CSNK2A2IP: variants seen among roughly 807,000 people sequenced by gnomAD.
CSNK2A2IP encodes the protein casein kinase II subunit alpha'-interacting protein.
At chr3:88,372,018 C>T in the CSNK2A2IP span, among the ~76,000 whole-genome samples, 2 of 151,462 alleles carry the variant, frequency 1.3e-5, no homozygotes, top group African/African-American at 4.8e-5. Context: ...GTTTGTTGCA[C>T]CAGTGAAAAC....
At chr3:88,405,195 A>G in the CSNK2A2IP span, among the ~76,000 whole-genome samples, 35 of 152,280 alleles carry the variant, frequency 2.3e-4, no homozygotes, top group Non-Finnish European at 3.5e-4. Context: ...ATCTCATTGC[A>G]GTGGTCTCTA....
At chr3:88,466,988 A>G in the CSNK2A2IP span, 1 of 1,228,128 alleles carries the variant, frequency 8.1e-7, no homozygotes, top group South Asian at 4.1e-5. Context: ...CAGCCTAATG[A>G]AGTCCCTGAA....
At chr3:88,353,577 G>T in the CSNK2A2IP span, among the ~76,000 whole-genome samples, 7 of 152,180 alleles carry the variant, frequency 4.6e-5, no homozygotes, top group African/African-American at 1.7e-4. Context: ...TAGGATGAGA[G>T]TATTAAACTA....
the CSNK2A2IP span, among the ~76,000 whole-genome samples, chr3:88,447,713 A>AT: frequency 6.6e-6 from 1 of 152,066 alleles, no homozygotes; most frequent in African/African-American, 2.4e-5. Context: ...TAACTGAGTC[A>AT]TTTTTGTTTT....
chr3:88,384,083 C>A, the CSNK2A2IP span, among the ~76,000 whole-genome samples: 7 of 152,060 alleles, frequency 4.6e-5, no homozygotes, highest in Non-Finnish European at 1.0e-4. Flanking sequence ...TGCACAGAAA[C>A]ATTTTCCAGA....
the CSNK2A2IP span, among the ~76,000 whole-genome samples, chr3:88,415,196 C>A: frequency 6.6e-6 from 1 of 151,916 alleles, no homozygotes; most frequent in Non-Finnish European, 1.5e-5. Flanking sequence ...TGACTTAAAA[C>A]CCCCAAACTC....
the CSNK2A2IP span, among the ~76,000 whole-genome samples, chr3:88,452,937 A>T: frequency 1.3e-5 from 2 of 152,140 alleles, no homozygotes. Context: ...ATGTTTGTGC[A>T]TGTATGACAG....
At chr3:88,375,909 G>T in the CSNK2A2IP span, among the ~76,000 whole-genome samples, 2 of 151,542 alleles carry the variant, frequency 1.3e-5, no homozygotes, top group African/African-American at 2.4e-5. Flanking sequence ...ACCCCATTTT[G>T]TGTCATCCCC....
chr3:88,347,458 C>T, the CSNK2A2IP span, among the ~76,000 whole-genome samples: 1 of 151,984 alleles, frequency 6.6e-6, no homozygotes, highest in East Asian at 1.9e-4. Context: ...CAAACATTAC[C>T]CTGATCAGTC....
At chr3:88,406,796 C>T in the CSNK2A2IP span, among the ~76,000 whole-genome samples, 1 of 152,064 alleles carries the variant, frequency 6.6e-6, no homozygotes, top group African/African-American at 2.4e-5. Flanking sequence ...AAAAAATGTA[C>T]GTAGTATTCA....
chr3:88,460,698 A>G, the CSNK2A2IP span, among the ~76,000 whole-genome samples: 2 of 152,206 alleles, frequency 1.3e-5, no homozygotes, highest in Admixed American at 1.3e-4. Flanking sequence ...AGGAAACAGA[A>G]TATTACCAGT....
chr3:88,450,058 A>G, the CSNK2A2IP span, among the ~76,000 whole-genome samples: 1 of 151,136 alleles, frequency 6.6e-6, no homozygotes, highest in Non-Finnish European at 1.5e-5. Flanking sequence ...TTGTAGAGAC[A>G]GGGTTTCATC....
At chr3:88,390,203 GATACACTTGA>G in the CSNK2A2IP span, among the ~76,000 whole-genome samples, 22 of 152,158 alleles carry the variant, frequency 1.4e-4, no homozygotes, top group African/African-American at 5.3e-4. Context: ...CAATAGACCT[GATACACTTGA>G]ATGGAATCAA....
At chr3:88,420,251 A>C in the CSNK2A2IP span, among the ~76,000 whole-genome samples, 5 of 152,162 alleles carry the variant, frequency 3.3e-5, no homozygotes, top group African/African-American at 1.2e-4. Context: ...GTTTCTAACT[A>C]GTTGTGGTGC....
At chr3:88,358,278 G>GCAAA in the CSNK2A2IP span, among the ~76,000 whole-genome samples, 66,317 of 151,626 alleles carry the variant, frequency 0.44, 15,704 homozygotes, top group South Asian at 0.62. Flanking sequence ...CATATCATCT[G>GCAAA]CAAAGATAAT....
the CSNK2A2IP span, among the ~76,000 whole-genome samples, chr3:88,388,563 G>A: frequency 6.6e-6 from 1 of 152,190 alleles, no homozygotes; most frequent in African/African-American, 2.4e-5. Flanking sequence ...ATGCAAGTCT[G>A]TAATTCAATG....
chr3:88,466,484 C>T, the CSNK2A2IP span: 1 of 1,231,916 alleles, frequency 8.1e-7, no homozygotes, highest in Non-Finnish European at 1.0e-6. Context: ...TTATCAAGCT[C>T]CAAACACTGC....
At chr3:88,391,076 G>T in the CSNK2A2IP span, among the ~76,000 whole-genome samples, 5 of 152,144 alleles carry the variant, frequency 3.3e-5, no homozygotes, top group Non-Finnish European at 5.9e-5. Context: ...TTTCTGCTTA[G>T]GCAAAATGAG....
the CSNK2A2IP span, chr3:88,465,471 C>A: frequency 1.6e-6 from 2 of 1,231,700 alleles, no homozygotes; most frequent in Non-Finnish European, 2.0e-6. Context: ...TAAATCAATT[C>A]AATAACCAAC....
Sources: gnomAD v4.1 joint callset for allele counts (sites outside exome capture counted in the v4.1 genomes callset) on GRCh38, gnomAD v4.1.1 for gene constraint, MANE v1.5 for transcripts, NCBI Gene and HGNC (gene_info 2026-07-23, HGNC 2026-07-21) for gene names.